Variants in ZNF648 observed in about 807,000 individuals in gnomAD.
ZNF648 encodes zinc finger protein 648.
A neutral mutation model predicts 0.3 loss-of-function variants in ZNF648; 1 was observed. The ratio of observed to expected loss-of-function variants is 3.90; its 90% CI spans 1.39 to 18.51. The LOEUF (loss-of-function observed/expected upper bound fraction) is 18.51, where lower values mean the gene tolerates loss of function less well. ZNF648 is among the 30% of genes most tolerant of loss of function. The pLI is 0.11. For synonymous variants in ZNF648, 376 were observed against 326.8 expected, an observed-to-expected ratio of 1.15 and a Z score of -1.62; for missense variants, 874 against 769.7, an observed-to-expected ratio of 1.14 and a Z score of -1.60.
chr1:182,066,250 G>A (rs1666098100), upstream of ZNF648, among the ~76,000 whole-genome samples: 1 of 152,192 alleles, frequency 6.6e-6, no homozygotes, highest in African/African-American at 2.4e-5. Context: ...GGCATTTGAT[G>A]GGCATGGTGC....
Position 182,056,421 on chromosome 1 carries a change from CCT to C in ZNF648, c.1588_1589del (p.Arg530AlafsTer5), listed in dbSNP as rs745427328. On this transcript the variant is annotated frameshift_variant, in exon 2 of 2. Coordinates refer to ENST00000339948, the MANE Select transcript of ZNF648 (RefSeq NM_001009992.1). LOFTEE classifies it low-confidence loss of function (END_TRUNC). Reference sequence around the variant, plus strand: ...GGCCGCAGTCCTCACACTGGTAGGGCCTCTCTCCGTTGTGCATTCGTATGTGC... The same window carrying C: ...GGCCGCAGTCCTCACACTGGTAGGGCCTCTCCGTTGTGCATTCGTATGTGC... ...AQHIRMHNGE[R>X]PYQCEDCGQA... 3.1e-6 allele frequency: 5 copies of C among 1,614,148 alleles called. No homozygotes were observed. The highest frequency in any genetic ancestry group is 2.2e-5 in the South Asian group (2 of 91,070).
intron 1 of ZNF648, among the ~76,000 whole-genome samples, chr1:182,060,428 A>G (rs1666011749): frequency 6.6e-6 from 1 of 152,074 alleles, no homozygotes; most frequent in African/African-American, 2.4e-5. Context: ...GAGCCCAGTT[A>G]CCCTGTGTGT....
Position 182,056,159 on chromosome 1 carries a change from TG to T in ZNF648, c.*144del. On this transcript the variant is annotated 3_prime_UTR_variant, in exon 2 of 2. Coordinates refer to ENST00000339948, the MANE Select transcript of ZNF648 (RefSeq NM_001009992.1). The stretch of plus-strand genomic sequence containing the variant: ...GGGTGCTCTCTCGGTGGTGACTTTC[TG>T]TTCAAGGGATCAAATAAATAATCAA... 1 of 1,159,698 alleles carries T rather than the reference TG, an allele frequency of 8.6e-7. No homozygotes were observed. The highest frequency in any genetic ancestry group is 1.2e-6 in the Non-Finnish European group (1 of 845,522). 71.8% of individuals were successfully genotyped at this position (1,159,698 alleles called of 1,614,324 possible). A position where few individuals can be genotyped will look rare whatever the true frequency, so the allele number is the denominator to read the frequency against.
chr1:182,056,182 T>G lies in ZNF648; in HGVS notation c.*122A>C. The G allele has an allele frequency of 1.8e-5, 23 of 1,295,370 alleles. No individual in the cohort carries two copies. The highest frequency in any genetic ancestry group is 2.3e-5 in the Non-Finnish European group (22 of 958,184). The allele number at this position is 1,295,370 out of a possible 1,614,324, so 80.2% of individuals were successfully genotyped here. ...TCTGTTCAAGGGATCAAATAAATAA[T>G]CAAATGGACCACTGATGACCCGCGA... On this transcript the variant is annotated 3_prime_UTR_variant, in exon 2 of 2. Transcript: ENST00000339948.
At position 182,057,178 on chromosome 1, in the gene ZNF648, C is replaced by T; in HGVS notation, c.833G>A (p.Arg278His). Residue 278 changes from arginine (R) to histidine (H), a missense_variant, in exon 2 of 2, where the codon CGC (arginine) becomes CAC (histidine). By Grantham distance (29) the Arg-to-His change is conservative. Coordinates refer to ENST00000339948, the MANE Select transcript of ZNF648 (RefSeq NM_001009992.1). ...CTTCCCGCATAGCTCGCACGCGTAG[C>T]GCTTGGCGGCGCCGCCGCGCGTCTC... ...PAETRGGAAKRYACELCGKAY... is the reference protein window; with the variant it reads ...PAETRGGAAKHYACELCGKAY... 6.3e-7 allele frequency: 1 copy of T among 1,583,904 alleles called. No individual in the cohort carries two copies. The highest frequency in any genetic ancestry group is 1.1e-5 in the South Asian group (1 of 89,562).
In ZNF648 at chr1:182,055,944, T is replaced by C. The variant is rs569487114; in HGVS notation, c.*360A>G. On this transcript the variant is annotated 3_prime_UTR_variant, in exon 2 of 2. Transcript: ENST00000339948. The surrounding 1 kb of genome is among the most constrained non-coding windows in gnomAD (Gnocchi z 4.1). Reference sequence around the variant, plus strand: ...GCTTTGAGGGTAGGACAGGTTAGTCTTTTTCCCCACCTTATCCCTGGAGCC... The same window carrying C: ...GCTTTGAGGGTAGGACAGGTTAGTCCTTTTCCCCACCTTATCCCTGGAGCC... The C allele has an allele frequency of 7.9e-6, 2 of 252,708 alleles. No individual in the cohort carries two copies. Among genetic ancestry groups the C allele is most frequent in the Non-Finnish European group, 7.6e-6 (1 of 131,052 alleles). 15.7% of individuals were successfully genotyped at this position (252,708 alleles called of 1,614,324 possible). A position where few individuals can be genotyped will look rare whatever the true frequency, so the allele number is the denominator to read the frequency against.
chr1:182,061,067 C>G (rs1005440322), intron 1 of ZNF648, among the ~76,000 whole-genome samples: 1 of 152,204 alleles, frequency 6.6e-6, no homozygotes, highest in Admixed American at 6.5e-5. Flanking sequence ...TGAGGTATCC[C>G]TCCTCCATCT....
Position 182,056,323 on chromosome 1 carries a change from G to A in ZNF648, c.1688C>T (p.Pro563Leu), listed in dbSNP as rs1371766390. Residue 563 changes from proline (P) to leucine (L), a missense_variant, in exon 2 of 2, where the codon CCT becomes CTT. Physicochemically the swap from Pro to Leu is moderately conservative, Grantham distance 98. Transcript: ENST00000339948. ...CTATCTTCACTCGTCAGAGGAGGAA[G>A]GGATGGGCTCCTTCTTGCAGGTGCC... The part of the protein sequence containing the change: ...KHGTCKKEPI[P>L]SSSDE The A allele has an allele frequency of 6.2e-7, 1 of 1,612,714 alleles. No individual in the cohort carries two copies. The highest frequency in any genetic ancestry group is 8.5e-7 in the Non-Finnish European group (1 of 1,179,222).
intron 1 of ZNF648, among the ~76,000 whole-genome samples, chr1:182,061,056 A>G (rs959247875): frequency 6.6e-6 from 1 of 152,116 alleles, no homozygotes; most frequent in Admixed American, 6.5e-5. Context: ...CTCTTTTCAG[A>G]TGAGGTATCC....
At chr1:182,067,280 A>G in the ZNF648 span, among the ~76,000 whole-genome samples, 1 of 152,088 alleles carries the variant, frequency 6.6e-6, no homozygotes, top group African/African-American at 2.4e-5. Flanking sequence ...GGTAAATCCT[A>G]TTTCTACACC....
At chr1:182,067,423 C>T in the ZNF648 span, among the ~76,000 whole-genome samples, 1 of 152,172 alleles carries the variant, frequency 6.6e-6, no homozygotes, top group Non-Finnish European at 1.5e-5. Context: ...ATGTGCTTTG[C>T]AGAGTACAAG....
Position 182,057,159 on chromosome 1 carries a change from G to A in ZNF648, c.852C>T (p.Cys284=), listed in dbSNP as rs922766588. 1 of 1,597,536 alleles carries A rather than the reference G, an allele frequency of 6.3e-7. No individual in the cohort carries two copies. ...GAAKRYACEL[C]GKAYSHRGTL... The stretch of plus-strand genomic sequence containing the variant: ...TGCCGCGGTGGGAGTAGGCCTTCCC[G>A]CATAGCTCGCACGCGTAGCGCTTGG... Residue 284 remains cysteine, a synonymous_variant, in exon 2 of 2, where the codon TGC becomes TGT. Transcript: ENST00000339948.
intron 1 of ZNF648, among the ~76,000 whole-genome samples, chr1:182,058,648 C>T (rs1665980433): frequency 6.6e-6 from 1 of 152,130 alleles, no homozygotes; most frequent in South Asian, 2.1e-4. Flanking sequence ...CACCAGTTGC[C>T]CCTCACTGAT....
rs1232889086 is a variant in ZNF648, at chr1:182,057,005, G to T, written c.1006C>A (p.Pro336Thr). Residue 336 changes from proline to threonine, a missense_variant, in exon 2 of 2, where the codon CCG (proline) becomes ACG (threonine). Physicochemically the swap from Pro to Thr is conservative, Grantham distance 38. Coordinates refer to ENST00000339948, the MANE Select transcript of ZNF648 (RefSeq NM_001009992.1). Reference protein sequence around the residue: ...IRTHTGEKPYPCPDCGKAFVR... With the variant: ...IRTHTGEKPYTCPDCGKAFVR... ...AAGGCCTTCCCGCAGTCTGGACACG[G>T]GTAGGGTTTCTCGCCTGTGTGGGTG... is the stretch of plus-strand genomic sequence containing the variant. 1 of 1,613,490 alleles carries T rather than the reference G, an allele frequency of 6.2e-7. No individual in the cohort carries two copies. The highest frequency in any genetic ancestry group is 1.7e-5 in the Admixed American group (1 of 59,984).
At position 182,056,223 on chromosome 1, in the gene ZNF648, G is replaced by C; in HGVS notation, c.*81C>G. ...TGACCCGCGACCTGCTGGGAGGCGA[G>C]GCTGACCAGTGAGGCTGGCAATACC... is the stretch of plus-strand genomic sequence containing the variant. On this transcript the variant is annotated 3_prime_UTR_variant, in exon 2 of 2. Transcript: ENST00000339948. 1 of 1,515,656 alleles carries C rather than the reference G, an allele frequency of 6.6e-7. No homozygotes were observed. The highest frequency in any genetic ancestry group is 1.3e-5 in the South Asian group (1 of 76,832). The allele number at this position is 1,515,656 out of a possible 1,614,324, so 93.9% of individuals were successfully genotyped here. A position where few individuals can be genotyped will look rare whatever the true frequency, so the allele number is the denominator to read the frequency against.
In ZNF648 at chr1:182,059,073, G is replaced by A. The variant is rs188040296; in HGVS notation, c.-63-1000C>T. 4.6e-3 allele frequency among the ~76,000 whole-genome samples: 696 copies of A among 152,186 alleles called. 37 individuals carry two copies. The South Asian group carries it at 0.11, about 25-fold the overall frequency. ...CCTGACCTTGTGATCCACCTGCCTCGGCCTCCCGAAGTGCTGGGATTACAG... is the reference window on the plus strand; with the variant it reads ...CCTGACCTTGTGATCCACCTGCCTCAGCCTCCCGAAGTGCTGGGATTACAG... On this transcript the variant is annotated intron_variant, in intron 1 of 1. Coordinates refer to ENST00000339948, the MANE Select transcript of ZNF648 (RefSeq NM_001009992.1).
In ZNF648 at chr1:182,057,079, A is replaced by G. The variant is rs1308137828; in HGVS notation, c.932T>C (p.Phe311Ser). The G allele has an allele frequency of 1.1e-5, 17 of 1,594,466 alleles. No individual in the cohort carries two copies. Among genetic ancestry groups the G allele is most frequent in the Admixed American group, 3.5e-5 (2 of 57,558 alleles). Residue 311 changes from phenylalanine to serine, a missense_variant, in exon 2 of 2, where the codon TTC becomes TCC. Coordinates refer to ENST00000339948, the MANE Select transcript of ZNF648 (RefSeq NM_001009992.1). ...GGACCAGGTGTAGGCCTTGTCGCAG[A>G]AGGAGCACTGGTAGGGCCGCTCGCC... is the stretch of plus-strand genomic sequence containing the variant. ...HTGERPYQCSFCDKAYTWSSD... is the reference protein window; with the variant it reads ...HTGERPYQCSSCDKAYTWSSD...
chr1:182,067,837 T>C, the ZNF648 span, among the ~76,000 whole-genome samples: 1 of 152,246 alleles, frequency 6.6e-6, no homozygotes. Flanking sequence ...TCTACTGACA[T>C]AGCAGCATAT....
In ZNF648 at chr1:182,056,504, C is replaced by T. The variant is rs1557969347; in HGVS notation, c.1507G>A (p.Gly503Arg). ...CTGCCGCACTCGGCACAGAGGAATCCCTTCTCCCCGGAGTGGATCTGTTGG... is the reference window on the plus strand; with the variant it reads ...CTGCCGCACTCGGCACAGAGGAATCTCTTCTCCCCGGAGTGGATCTGTTGG... The part of the protein sequence containing the change: ...RHQQIHSGEK[G>R]FLCAECGRAF... Residue 503 changes from glycine (G) to arginine (R), a missense_variant, in exon 2 of 2, where the codon GGA becomes AGA. Gly to Arg is a moderately radical substitution (Grantham distance 125, BLOSUM62 -2). Coordinates refer to ENST00000339948, the MANE Select transcript of ZNF648 (RefSeq NM_001009992.1). 6.2e-7 allele frequency: 1 copy of T among 1,613,800 alleles called. No homozygotes were observed. Among genetic ancestry groups the T allele is most frequent in the Non-Finnish European group, 8.5e-7 (1 of 1,179,912 alleles).
Sources: allele counts gnomAD v4.1 joint callset (sites outside exome capture counted in the v4.1 genomes callset), GRCh38; gene constraint gnomAD v4.1.1; non-coding constraint Gnocchi (gnomAD v3.1); transcripts MANE v1.5; gene names NCBI Gene and HGNC (gene_info 2026-07-23, HGNC 2026-07-21).